The following NAPG variants were observed in gnomAD, a reference collection of about 807,000 sequenced individuals.
NAPG encodes NSF attachment protein gamma.
Under a neutral mutation model 48.4 loss-of-function variants are expected in NAPG, and 25 were observed. That is an observed-to-expected ratio of 0.52 (90% CI 0.38 to 0.72). NAPG has a LOEUF of 0.72. Among genes scored for constraint, NAPG ranks in the 30% least tolerant of loss-of-function variants. The pLI, the probability that NAPG is intolerant of heterozygous loss-of-function variation, is 0.00. For synonymous variants in NAPG, 139 were observed against 127.2 expected (o/e 1.09, Z -0.62); for missense variants, 359 against 372.5 (o/e 0.96, Z 0.30).
rs2032167824 is a variant in NAPG, at chr18:10,542,027, C to T, written c.506+1628C>T. 1.3e-5 allele frequency among the ~76,000 whole-genome samples: 2 copies of T among 152,210 alleles called. No individual in the cohort carries two copies. The highest frequency in any genetic ancestry group is 2.9e-5 in the Non-Finnish European group (2 of 68,044). On this transcript the variant is annotated intron_variant, in intron 8 of 11. Transcript: ENST00000322897. The surrounding 1 kb of genome is among the most constrained non-coding windows in gnomAD (Gnocchi z 4.5). ...ATGGGGGCCACCATCATCCTCAAAA[C>T]ATTACCAGTGTTGCCAGTCGGTTTG...
Position 10,546,244 on chromosome 18 carries a change from T to A in NAPG, c.507-82T>A. ...GTCCTCCTGGTGTCTCTACAATCTA[T>A]GATGTCAAGTACATTTCACAGGGGA... On this transcript the variant is annotated intron_variant, in intron 8 of 11. Transcript: ENST00000322897. The surrounding 1 kb of genome is among the most constrained non-coding windows in gnomAD (Gnocchi z 4.0). 1.2e-6 allele frequency: 1 copy of A among 826,600 alleles called. No homozygotes were observed. Among genetic ancestry groups the A allele is most frequent in the Admixed American group, 2.9e-5 (1 of 34,118 alleles). 51.2% of individuals were successfully genotyped at this position (826,600 alleles called of 1,614,324 possible).
rs763151146 is a variant in NAPG at position 10,539,861 on chromosome 18, C to G, written c.358C>G (p.Arg120Gly). Residue 120 changes from arginine (R) to glycine (G), a missense_variant, in exon 6 of 12, where the codon CGA becomes GGA. Coordinates refer to ENST00000322897, the MANE Select transcript of NAPG (RefSeq NM_003826.3). The surrounding 1 kb of genome is among the most constrained non-coding windows in gnomAD (Gnocchi z 4.7). ...AGACACAGCAGCCATGGCTTTGGAG[C>G]GAGCTGGAAAGTGAGTGTGAGATGG... ...TPDTAAMALERAGKLIENVDP... is the reference protein window; with the variant it reads ...TPDTAAMALEGAGKLIENVDP... 2 of 1,613,820 alleles carry G rather than the reference C, an allele frequency of 1.2e-6. No individual in the cohort carries two copies. Among genetic ancestry groups the G allele is most frequent in the South Asian group, 1.1e-5 (1 of 91,070 alleles).
chr18:10,540,514 C>T, intron 8 of NAPG, 115 bp downstream of exon 8: 3 of 694,770 alleles, frequency 4.3e-6, no homozygotes, highest in Non-Finnish European at 7.4e-6. Flanking sequence ...TGTAGACACA[C>T]CAGGCCACAC....
intron 7 of NAPG, 39 bp downstream of exon 7, chr18:10,540,093 A>C: frequency 2.7e-6 from 4 of 1,457,684 alleles, no homozygotes; most frequent in Non-Finnish European, 3.7e-6. Flanking sequence ...ATTACTTAGA[A>C]TGTTTAGATT....
intron 5 of NAPG, among the ~76,000 whole-genome samples, chr18:10,536,914 T>G (rs542545375): frequency 6.6e-6 from 1 of 151,934 alleles, no homozygotes; most frequent in Non-Finnish European, 1.5e-5. Flanking sequence ...GTTGAAACTC[T>G]ACATATAACT....
chr18:10,526,239 C>CCTTGGCCCCGGGGGGGGGG, intron 1 of NAPG, 81 bp downstream of exon 1: 3 of 349,036 alleles, frequency 8.6e-6, no homozygotes, highest in African/African-American at 3.4e-5. Flanking sequence ...CCGGGGGGGG[C>CCTTGGCCCCGGGGGGGGGG]GGGAGGGAGG....
intron 1 of NAPG, among the ~76,000 whole-genome samples, chr18:10,530,356 C>T (rs2143091967): frequency 6.6e-6 from 1 of 152,114 alleles, no homozygotes; most frequent in East Asian, 1.9e-4. Flanking sequence ...TCTCTAGACT[C>T]TTGTCTGTGC....
At chr18:10,530,667 CTTTT>C (rs71169932) in intron 1 of NAPG, 99 bp from the exon 2 acceptor site, 285 of 480,316 alleles carry the variant, frequency 5.9e-4, no homozygotes, top group East Asian at 9.5e-4. Context: ...ATGGTTTCTC[CTTTT>C]TTTTTTTTTT....
intron 1 of NAPG, among the ~76,000 whole-genome samples, chr18:10,528,222 A>G (rs929666154): frequency 6.6e-6 from 1 of 152,088 alleles, no homozygotes; most frequent in East Asian, 1.9e-4. Context: ...AGAAAAAGAA[A>G]TGTGGCAGCA....
intron 4 of NAPG, among the ~76,000 whole-genome samples, chr18:10,533,796 A>G (rs1328507699): frequency 1.6e-5 from 2 of 126,566 alleles, no homozygotes; most frequent in African/African-American, 6.5e-5. Flanking sequence ...TCAGTAGCCT[A>G]TGGGAAAAAA....
chr18:10,533,696 TAAAC>T, intron 4 of NAPG, 143 bp downstream of exon 4: 1 of 679,546 alleles, frequency 1.5e-6, no homozygotes, highest in African/African-American at 1.9e-5. Context: ...AGTTTTTACC[TAAAC>T]CTTAAAAACC....
At position 10,532,878 on chromosome 18, in the gene NAPG, C is replaced by G. The variant is rs538443909; in HGVS notation, c.209+83C>G. The G allele has an allele frequency of 2.6e-6, 3 of 1,137,854 alleles. No individual in the cohort carries two copies. In the Admixed American group the frequency reaches 7.7e-5, roughly 29 times the overall value. 70.5% of individuals were successfully genotyped at this position (1,137,854 alleles called of 1,614,324 possible). ...TTTCTCTTGCTGTAAATTTACTTTA[C>G]TACCTGTGAAGTAAAATGTTTTTAA... is the stretch of plus-strand genomic sequence containing the variant. On this transcript the variant is annotated intron_variant, in intron 3 of 11. Transcript: ENST00000322897.
At chr18:10,527,521 A>G (rs527361221) in intron 1 of NAPG, among the ~76,000 whole-genome samples, 3 of 152,318 alleles carry the variant, frequency 2.0e-5, no homozygotes, top group South Asian at 4.1e-4. Flanking sequence ...AAAATTTGTA[A>G]TAAGAATAGT....
In NAPG at chr18:10,539,718, A is replaced by G. The variant is rs747531459; in HGVS notation, c.259-44A>G. On this transcript the variant is annotated intron_variant, in intron 5 of 11. Transcript: ENST00000322897. The surrounding 1 kb of genome is among the most constrained non-coding windows in gnomAD (Gnocchi z 4.7). ...AGATTGTTAACTCTGTTTTTCTTTA[A>G]TTGATGCATTTGCTGACCTGTCTAC... is the stretch of plus-strand genomic sequence containing the variant. 20 of 1,410,094 alleles carry G rather than the reference A, an allele frequency of 1.4e-5. No homozygotes were observed. The East Asian group carries it at 4.6e-4, about 32-fold the overall frequency. 87.3% of individuals were successfully genotyped at this position (1,410,094 alleles called of 1,614,324 possible). A position where few individuals can be genotyped will look rare whatever the true frequency, so the allele number is the denominator to read the frequency against.
chr18:10,549,160 T>C, intron 11 of NAPG, 64 bp downstream of exon 11: 1 of 1,542,278 alleles, frequency 6.5e-7, no homozygotes, highest in Non-Finnish European at 8.8e-7. Context: ...TCTAGTGAGA[T>C]TATTTTTTAC....
chr18:10,534,800 A>G lies in NAPG; in HGVS notation c.258+304A>G, dbSNP rs979968505. Among the ~76,000 whole-genome samples the G allele has an allele frequency of 2.0e-5, 3 of 152,254 alleles. No individual in the cohort carries two copies. The highest frequency in any genetic ancestry group is 4.4e-5 in the Non-Finnish European group (3 of 68,052). ...AAAGAGCTCTATGGGAAGTTTCTCT[A>G]CTTTTGAGAAGGACATCTAAATGTA... On this transcript the variant is annotated intron_variant, in intron 5 of 11. Coordinates refer to ENST00000322897, the MANE Select transcript of NAPG (RefSeq NM_003826.3). This position sits in a 1 kb window ranked among gnomAD's most constrained non-coding sequence, Gnocchi z 5.0.
chr18:10,545,271 C>T lies in NAPG; in HGVS notation c.507-1055C>T, dbSNP rs564968751. 2.5e-4 allele frequency among the ~76,000 whole-genome samples: 38 copies of T among 152,182 alleles called. 1 individual carries two copies. The South Asian group carries it at 7.5e-3, about 30-fold the overall frequency. On this transcript the variant is annotated intron_variant, in intron 8 of 11. Transcript: ENST00000322897. ...AGGTTGCGGTGAGCCGAGATGTCGC[C>T]ACTGCACTCCAGCCTGGGCAACAGA...
Position 10,534,520 on chromosome 18 carries a change from G to T in NAPG, c.258+24G>T, listed in dbSNP as rs748545511. 1.4e-5 allele frequency: 22 copies of T among 1,610,358 alleles called. No homozygotes were observed. The highest frequency in any genetic ancestry group is 3.4e-6 in the Non-Finnish European group (4 of 1,176,930). On this transcript the variant is annotated intron_variant, in intron 5 of 11. Transcript: ENST00000322897. The surrounding 1 kb of genome is among the most constrained non-coding windows in gnomAD (Gnocchi z 5.0). ...AGGTCAGTAATGTTATGTCACAATT[G>T]TTGTGTAGGTAAAATGAATTAACTA...
In NAPG at chr18:10,536,962, GT is replaced by G. The variant is rs796475932; in HGVS notation, c.258+2478del. On this transcript the variant is annotated intron_variant, in intron 5 of 11. Transcript: ENST00000322897. ...AAAACTTTACTAATAGCCTGTTTTT[GT>G]TTTTTTTTTTTGAGACAGGATCTTG... is the stretch of plus-strand genomic sequence containing the variant. Among the ~76,000 whole-genome samples, 461 of 143,448 alleles carry G rather than the reference GT, an allele frequency of 3.2e-3. 3 individuals carry two copies. Among genetic ancestry groups the G allele is most frequent in the African/African-American group, 0.011 (404 of 37,598 alleles). The allele number at this position is 143,448 out of a possible 152,430, so 94.1% of individuals were successfully genotyped here.
Sources: gnomAD v4.1 joint callset for allele counts (sites outside exome capture counted in the v4.1 genomes callset) on GRCh38, gnomAD v4.1.1 for gene constraint, Gnocchi (gnomAD v3.1) non-coding constraint, MANE v1.5 for transcripts, NCBI Gene and HGNC (gene_info 2026-07-23, HGNC 2026-07-21) for gene names.